Variants in CABIN1 observed in about 807,000 individuals in gnomAD.
The protein encoded by CABIN1 is calcineurin-binding protein cabin-1.
CABIN1 carries 133 observed loss-of-function variants against 227.7 expected under a neutral mutation model. The ratio of observed to expected loss-of-function variants is 0.58; its 90% CI spans 0.51 to 0.67. The LOEUF (loss-of-function observed/expected upper bound fraction) is 0.67. CABIN1 is among the 30% of genes least tolerant of loss of function. The probability of loss-of-function intolerance (pLI) is 0.00; values close to 1 mark genes in which losing one functional copy is unlikely to be tolerated. For synonymous variants in CABIN1, 1,086 were observed against 1,155.1 expected (o/e 0.94, Z 1.21); for missense variants, 2,408 against 2,852.5 (o/e 0.84, Z 3.55).
chr22:24,148,831 C>T (rs2045315675), intron 29 of CABIN1, among the ~76,000 whole-genome samples: 1 of 152,220 alleles, frequency 6.6e-6, no homozygotes, highest in Non-Finnish European at 1.5e-5. Context: ...GGGTGTGAGC[C>T]CAGCGGAGGC....
intron 18 of CABIN1, 58 bp from the exon 19 acceptor site, chr22:24,076,111 C>CTGCAGGCACGCAGGTTCCCA: frequency 7.7e-7 from 1 of 1,294,518 alleles, no homozygotes; most frequent in African/African-American, 1.5e-5. Flanking sequence ...CTCGCAGCCC[C>CTGCAGGCACGCAGGTTCCCA]TGCAGGCACG....
chr22:24,049,196 ACT>A lies in CABIN1; in HGVS notation c.638_639del (p.Leu213GlnfsTer7). On this transcript the variant is annotated frameshift_variant, in exon 7 of 37. Transcript: ENST00000263119. LOFTEE classifies it high-confidence loss of function. ...GAGGAGCAGCCTTGTCTCCGGAAGGACTCTCTCAGAATGTTCCTCAAATGGTA... is the reference window on the plus strand; with the variant it reads ...GAGGAGCAGCCTTGTCTCCGGAAGGACTCTCAGAATGTTCCTCAAATGGTA... 1 of 1,613,586 alleles carries A rather than the reference ACT, an allele frequency of 6.2e-7. No homozygotes were observed. The highest frequency in any genetic ancestry group is 8.5e-7 in the Non-Finnish European group (1 of 1,179,880).
intron 8 of CABIN1, 63 bp downstream of exon 8, chr22:24,051,037 C>T (rs1021047014): frequency 5.6e-6 from 9 of 1,601,656 alleles, no homozygotes; most frequent in Non-Finnish European, 6.8e-6. Context: ...TGGGATGCTG[C>T]CCTGCACAGG....
At chr22:24,087,341 T>C in intron 22 of CABIN1, 111 bp from the exon 23 acceptor site, 4 of 1,390,914 alleles carry the variant, frequency 2.9e-6, no homozygotes, top group Non-Finnish European at 3.0e-6. Context: ...TGAGCCCTGG[T>C]GTGGGAAGGG....
At chr22:24,065,876 CGCCTGCAATCGCAG>C (rs2039632717) in intron 15 of CABIN1, among the ~76,000 whole-genome samples, 1 of 152,198 alleles carries the variant, frequency 6.6e-6, no homozygotes, top group Non-Finnish European at 1.5e-5. Context: ...TGGCGGCGCA[CGCCTGCAATCGCAG>C]GCACTCGGCA....
intron 29 of CABIN1, among the ~76,000 whole-genome samples, chr22:24,140,409 A>C (rs1000304257): frequency 1.7e-4 from 26 of 152,142 alleles, no homozygotes; most frequent in Admixed American, 1.3e-4. Context: ...GAAAGCAGGC[A>C]CCAAGCTAGG....
At chr22:24,168,645 G>A in intron 33 of CABIN1, 124 bp downstream of exon 33, 1 of 852,492 alleles carries the variant, frequency 1.2e-6, no homozygotes, top group Non-Finnish European at 1.9e-6. Context: ...TTGGGCTGAG[G>A]GGAGATGAGC....
intron 1 of CABIN1, among the ~76,000 whole-genome samples, chr22:24,015,952 G>T (rs1046868655): frequency 6.6e-6 from 1 of 152,044 alleles, no homozygotes; most frequent in African/African-American, 2.4e-5. Flanking sequence ...GGCGAGACCC[G>T]GTCTCAAGAA....
chr22:24,145,474 G>A (rs1433539760), intron 29 of CABIN1, among the ~76,000 whole-genome samples: 1 of 152,208 alleles, frequency 6.6e-6, no homozygotes, highest in Non-Finnish European at 1.5e-5. Context: ...TTGCACCTGA[G>A]CCAGGATTTA....
At position 24,165,522 on chromosome 22, in the gene CABIN1, G is replaced by T. The variant is rs1449920145; in HGVS notation, c.4911-8G>T. 1.2e-6 allele frequency: 2 copies of T among 1,610,892 alleles called. No homozygotes were observed. Among genetic ancestry groups the T allele is most frequent in the South Asian group, 2.2e-5 (2 of 90,486 alleles). On this transcript the variant is annotated splice_region_variant and splice_polypyrimidine_tract_variant and intron_variant, in intron 30 of 36. Coordinates refer to ENST00000263119, the MANE Select transcript of CABIN1 (RefSeq NM_012295.4). ...CTGTCCTCTCTGACTACCCCTGTAT[G>T]ACCGCAGGAAGTATCTGCGAGATGC... is the stretch of plus-strand genomic sequence containing the variant.
At chr22:24,058,479 T>C (rs2038961358) in intron 10 of CABIN1, among the ~76,000 whole-genome samples, 2 of 152,274 alleles carry the variant, frequency 1.3e-5, no homozygotes, top group African/African-American at 4.8e-5. Context: ...CACCACAAGG[T>C]TGGCTGAAAT....
intron 24 of CABIN1, 27 bp from the exon 25 acceptor site, chr22:24,095,904 C>T: frequency 1.2e-6 from 2 of 1,613,566 alleles, no homozygotes; most frequent in African/African-American, 1.3e-5. Flanking sequence ...GGGAAGGCTG[C>T]TCACACTAGA....
chr22:24,164,384 G>A lies in CABIN1; in HGVS notation c.4747-16G>A. 1 of 1,601,210 alleles carries A rather than the reference G, an allele frequency of 6.2e-7. No individual in the cohort carries two copies. The highest frequency in any genetic ancestry group is 8.5e-7 in the Non-Finnish European group (1 of 1,179,926). On this transcript the variant is annotated splice_polypyrimidine_tract_variant and intron_variant, in intron 29 of 36. Transcript: ENST00000263119. ...ACAACCACCCCCCTCACACACCTGT[G>A]CCATCCATCCCACAGGGCATCTGGC... is the stretch of plus-strand genomic sequence containing the variant.
intron 32 of CABIN1, among the ~76,000 whole-genome samples, chr22:24,167,841 C>A (rs1396404539): frequency 6.6e-6 from 1 of 152,202 alleles, no homozygotes; most frequent in African/African-American, 2.4e-5. Context: ...ATCCTACCCC[C>A]AACTGCCCCA....
At chr22:24,059,099 G>T in intron 10 of CABIN1, 128 bp from the exon 11 acceptor site, 1 of 1,205,138 alleles carries the variant, frequency 8.3e-7, no homozygotes, top group Non-Finnish European at 1.2e-6. Context: ...CTGGGTTCTG[G>T]ACCCCACCAC....
chr22:24,166,522 C>T (rs564823989), intron 31 of CABIN1, 117 bp from the exon 32 acceptor site: 14 of 1,279,422 alleles, frequency 1.1e-5, no homozygotes, highest in African/African-American at 2.9e-5. Flanking sequence ...GGCAGATGTC[C>T]GGAGCCACAC....
rs2038285049 is a variant in CABIN1 at position 24,050,954 on chromosome 22, G to A, written c.786G>A (p.Val262=). ...VREKEPDLKL[V]QPIPFFTWKC... ...AGAAGGAGCCGGACCTGAAACTTGT[G>A]CAGCCCATTCCTTTCTTCACGTAGG... The change falls in exon 8 of 37, where the codon GTG becomes GTA. Residue 262 remains valine (V), a synonymous_variant. Transcript: ENST00000263119. 6.2e-7 allele frequency: 1 copy of A among 1,614,218 alleles called. No homozygotes were observed. The highest frequency in any genetic ancestry group is 8.5e-7 in the Non-Finnish European group (1 of 1,180,042).
intron 17 of CABIN1, 118 bp downstream of exon 17, chr22:24,071,160 G>A: frequency 7.1e-7 from 1 of 1,402,398 alleles, no homozygotes; most frequent in Non-Finnish European, 9.9e-7. Flanking sequence ...GGGACATGAT[G>A]GCTTCTTTGG....
intron 1 of CABIN1, among the ~76,000 whole-genome samples, chr22:24,020,610 C>T (rs1601643156): frequency 1.3e-5 from 2 of 152,296 alleles, no homozygotes. Context: ...GCCACCATGT[C>T]TGTCCGTTAG....
Sources: allele counts gnomAD v4.1 joint callset (sites outside exome capture counted in the v4.1 genomes callset), GRCh38; gene constraint gnomAD v4.1.1; transcripts MANE v1.5; gene names NCBI Gene and HGNC (gene_info 2026-07-23, HGNC 2026-07-21).